The following ANK2 variants were observed in gnomAD, a reference collection of about 807,000 sequenced individuals.
ANK2 encodes ankyrin 2, also known as ankyrin-2.
Under a neutral mutation model 360.5 loss-of-function variants are expected in ANK2, and 83 were observed. The observed-to-expected ratio is 0.23, with a 90% confidence interval of 0.19 to 0.28. The LOEUF is 0.28. ANK2 is among the 10% of genes least tolerant of loss of function. The pLI is 1.00. For synonymous variants in ANK2, 1,740 were observed against 1,759.5 expected (o/e 0.99, Z 0.28); for missense variants, 4,201 against 4,795.7 (o/e 0.88, Z 3.66).
chr4:112,898,319 T>C (rs1351063493), intron 1 of ANK2, among the ~76,000 whole-genome samples: 1 of 152,214 alleles, frequency 6.6e-6, no homozygotes, highest in Non-Finnish European at 1.5e-5. Flanking sequence ...TATAGTCGTG[T>C]CTTATTAGTC....
intron 45 of ANK2, among the ~76,000 whole-genome samples, chr4:113,378,364 C>T (rs2097035969): frequency 6.6e-6 from 1 of 152,182 alleles, no homozygotes; most frequent in Admixed American, 6.5e-5. Flanking sequence ...GAAGTATCCT[C>T]TTGATACTTC....
chr4:112,906,715 T>C (rs1015435685), intron 2 of ANK2, among the ~76,000 whole-genome samples: 3 of 152,108 alleles, frequency 2.0e-5, no homozygotes, highest in South Asian at 2.1e-4. Flanking sequence ...ATTTTCTCTG[T>C]GAAGAAGATG....
Position 113,355,802 on chromosome 4 carries a change from C to T in ANK2, c.7184C>T (p.Thr2395Ile), listed in dbSNP as rs774869878. 1 of 1,614,084 alleles carries T rather than the reference C, an allele frequency of 6.2e-7. No homozygotes were observed. The highest frequency in any genetic ancestry group is 8.5e-7 in the Non-Finnish European group (1 of 1,179,988). Reference protein sequence around the residue: ...PEASVKTDTGTESKPQGVIRS... With the variant: ...PEASVKTDTGIESKPQGVIRS... ...GCTTCTGTAAAGACAGATACAGGAACTGAATCAAAACCTCAGGGAGTCATT... is the reference window on the plus strand; with the variant it reads ...GCTTCTGTAAAGACAGATACAGGAATTGAATCAAAACCTCAGGGAGTCATT... The change falls in exon 38 of 46, where the codon ACT becomes ATT. Residue 2395 changes from threonine to isoleucine, a missense_variant. By Grantham distance (89) the Thr-to-Ile change is moderately conservative (BLOSUM62 -1). This residue lies in a region of ANK2 where 2,642 missense variants were observed against 2,714.5 expected (regional missense o/e 0.97). Coordinates refer to ENST00000357077, the MANE Select transcript of ANK2 (RefSeq NM_001148.6).
At chr4:112,896,382 T>G (rs773513128) in intron 1 of ANK2, among the ~76,000 whole-genome samples, 2 of 152,240 alleles carry the variant, frequency 1.3e-5, no homozygotes, top group Non-Finnish European at 2.9e-5. Context: ...TTCAGTCTGT[T>G]GTTAAGCCCT....
chr4:113,342,886 G>A (rs913235708), intron 33 of ANK2, 131 bp from the exon 34 acceptor site: 6 of 1,157,526 alleles, frequency 5.2e-6, no homozygotes, highest in Non-Finnish European at 5.1e-6. Context: ...CAGAATGTCA[G>A]TTGTCAATTT....
chr4:112,892,083 A>G (rs2080195637), intron 1 of ANK2, among the ~76,000 whole-genome samples: 1 of 152,138 alleles, frequency 6.6e-6, no homozygotes, highest in Non-Finnish European at 1.5e-5. Context: ...GAATTGGGGT[A>G]GGAGAAATAT....
chr4:112,929,804 A>G (rs986923747), intron 2 of ANK2, among the ~76,000 whole-genome samples: 1 of 152,088 alleles, frequency 6.6e-6, no homozygotes, highest in African/African-American at 2.4e-5. Flanking sequence ...GAGGACCACA[A>G]TCCTAATGAC....
At chr4:113,215,832 C>G (rs1236682784) in intron 4 of ANK2, among the ~76,000 whole-genome samples, 1 of 151,982 alleles carries the variant, frequency 6.6e-6, no homozygotes, top group Non-Finnish European at 1.5e-5. Flanking sequence ...CACTTTTTTT[C>G]TTGTGTTATC....
intron 41 of ANK2, among the ~76,000 whole-genome samples, chr4:113,367,309 TC>T (rs1030612508): frequency 6.6e-6 from 1 of 152,006 alleles, no homozygotes; most frequent in Non-Finnish European, 1.5e-5. Flanking sequence ...TGTTAGGTGC[TC>T]CCACACTCAT....
At position 113,242,202 on chromosome 4, in the gene ANK2, A is replaced by G; in HGVS notation, c.884A>G (p.Lys295Arg). 1 of 1,613,090 alleles carries G rather than the reference A, an allele frequency of 6.2e-7. No individual in the cohort carries two copies. ...GATCGAGGCGGTCAGATCGATGCCAAAACTAGGGTGAGTGTCTCTGTTCTT... is the reference window on the plus strand; with the variant it reads ...GATCGAGGCGGTCAGATCGATGCCAGAACTAGGGTGAGTGTCTCTGTTCTT... The part of the protein sequence containing the change: ...LLDRGGQIDA[K>R]TRDGLTPLHC... The change falls in exon 9 of 46, where the codon AAA becomes AGA. Residue 295 changes from lysine (K) to arginine (R), a missense_variant. Physicochemically the swap from Lys to Arg is conservative, Grantham distance 26. Around this residue, in one of 4 missense-constraint regions of ANK2, gnomAD observed 122 missense variants for 239.3 expected, o/e 0.51. Coordinates refer to ENST00000357077, the MANE Select transcript of ANK2 (RefSeq NM_001148.6).
chr4:112,983,611 G>A (rs1254119702), intron 2 of ANK2, among the ~76,000 whole-genome samples: 2 of 151,998 alleles, frequency 1.3e-5, no homozygotes, highest in African/African-American at 2.4e-5. Context: ...GGAGGCAGAG[G>A]TTGTGGTGAC....
At chr4:112,766,975 C>G in the ANK2 span, among the ~76,000 whole-genome samples, 8 of 152,200 alleles carry the variant, frequency 5.3e-5, no homozygotes, top group African/African-American at 1.9e-4. Flanking sequence ...TCACTGTCAC[C>G]TGTGCTAGGC....
intron 2 of ANK2, 49 bp from the exon 3 acceptor site, chr4:113,196,318 AT>A (rs3214164): frequency 1.4e-6 from 2 of 1,437,472 alleles, no homozygotes; most frequent in Non-Finnish European, 1.9e-6. Context: ...TCAGGGCACT[AT>A]TTTCCTCATT....
At chr4:112,706,803 C>T in the ANK2 span, 1 of 152,226 alleles carries the variant, frequency 6.6e-6, no homozygotes, top group Admixed American at 6.5e-5. Flanking sequence ...TTCCTGTTCT[C>T]TCCACGTCTA....
intron 1 of ANK2, chr4:113,152,145 T>C (rs979818724): frequency 5.9e-5 from 9 of 152,002 alleles, no homozygotes; most frequent in African/African-American, 2.2e-4. Flanking sequence ...ATTATCTATT[T>C]ATTTTTTTTA....
rs535484195 is a variant in ANK2, at chr4:113,355,704, G to A, written c.7086G>A (p.Lys2362=). 1.4e-5 allele frequency: 22 copies of A among 1,614,124 alleles called. No individual in the cohort carries two copies. The South Asian group carries it at 2.4e-4, about 18-fold the overall frequency. Reference sequence around the variant, plus strand: ...GTACCTTTGGTAGTTCAGCCCACAAGACACAAACTGATAGTGAGGTTCAAG... The same window carrying A: ...GTACCTTTGGTAGTTCAGCCCACAAAACACAAACTGATAGTGAGGTTCAAG... The part of the protein sequence containing the change: ...GQRTFGSSAH[K]TQTDSEVQES... The change falls in exon 38 of 46, where the codon AAG becomes AAA. Residue 2362 remains lysine, a synonymous_variant. Coordinates refer to ENST00000357077, the MANE Select transcript of ANK2 (RefSeq NM_001148.6).
chr4:113,364,494 C>T (rs906402653), intron 40 of ANK2, among the ~76,000 whole-genome samples: 4 of 152,148 alleles, frequency 2.6e-5, no homozygotes, highest in African/African-American at 7.2e-5. Flanking sequence ...TTACTCAAAC[C>T]CTAATATTTT....
At chr4:113,047,534 G>A (rs997971423), upstream of ANK2, among the ~76,000 whole-genome samples, 1 of 152,150 alleles carries the variant, frequency 6.6e-6, no homozygotes, top group East Asian at 1.9e-4. Context: ...GGCATCTAAT[G>A]GGACGAGGTG....
rs72898036 is a variant in ANK2 at position 113,203,823 on chromosome 4, G to A, written c.384+4714G>A. On this transcript the variant is annotated intron_variant, in intron 4 of 45. Transcript: ENST00000357077. ...GGCAATATTGCTTCTCATAGTTCCC[G>A]TAACAGTTCTACCTTCTCTACAGAC... 6.3e-3 allele frequency among the ~76,000 whole-genome samples: 956 copies of A among 151,984 alleles called. 8 individuals carry two copies. The highest frequency in any genetic ancestry group is 0.022 in the African/African-American group (916 of 41,460).
Sources: allele counts gnomAD v4.1 joint callset (sites outside exome capture counted in the v4.1 genomes callset), GRCh38; gene constraint gnomAD v4.1.1; regional missense constraint gnomAD v4.1.1; transcripts MANE v1.5; gene names NCBI Gene and HGNC (gene_info 2026-07-23, HGNC 2026-07-21).